CUX1: variants seen among roughly 807,000 people sequenced by gnomAD.
The protein encoded by CUX1 is cut like homeobox 1.
In CUX1, 31 loss-of-function variants were observed where a neutral mutation model predicts 158.8. The observed-to-expected ratio is 0.20, with a 90% CI of 0.15 to 0.26. The LOEUF is 0.26. Ranked by LOEUF, CUX1 falls within the 10% of genes least tolerant of loss-of-function variation. The probability of loss-of-function intolerance (pLI) is 1.00; values close to 1 mark genes in which losing one functional copy is unlikely to be tolerated. For synonymous variants in CUX1, 879 were observed against 862.1 expected (o/e 1.02, Z -0.34); for missense variants, 1,589 against 2,014.6 (o/e 0.79, Z 4.04).
In CUX1 at chr7:101,849,912, A is replaced by ATT. The variant is rs71106570; in HGVS notation, c.30+32268_30+32269dup. On this transcript the variant is annotated intron_variant, in intron 1 of 23. Coordinates refer to ENST00000292535, the MANE Select transcript of CUX1 (RefSeq NM_181552.4). ...AGACAGTATCTCATTGTCTCATGCA[A>ATT]TTTTTTTTTTTTTTTTTTTTTTTTT... 0.021 allele frequency among the ~76,000 whole-genome samples: 2,555 copies of ATT among 124,184 alleles called. 383 individuals carry two copies. The East Asian group carries it at 0.32, about 16-fold the overall frequency. 81.5% of individuals were successfully genotyped at this position (124,184 alleles called of 152,430 possible).
intron 6 of CUX1, among the ~76,000 whole-genome samples, chr7:102,105,493 A>AC (rs1830242603): frequency 1.4e-5 from 2 of 147,080 alleles, no homozygotes; most frequent in African/African-American, 5.0e-5. Context: ...ACGGATCCCA[A>AC]CCATATAGAT....
In CUX1 at chr7:102,156,902, A is replaced by C. The variant is rs540813722; in HGVS notation, c.675-1658A>C. The stretch of plus-strand genomic sequence containing the variant: ...TTCAGAGAGAGCTCACAGCGTGGGC[A>C]CCCAGTGAAAACTCAAACCTGGAAA... On this transcript the variant is annotated intron_variant, in intron 8 of 23. Transcript: ENST00000292535. 2.6e-5 allele frequency among the ~76,000 whole-genome samples: 4 copies of C among 152,322 alleles called. No individual in the cohort carries two copies. In the South Asian group the frequency reaches 8.3e-4, roughly 32 times the overall value.
At chr7:102,156,017 A>G (rs1230909305) in intron 8 of CUX1, among the ~76,000 whole-genome samples, 2 of 152,188 alleles carry the variant, frequency 1.3e-5, no homozygotes, top group African/African-American at 4.8e-5. Flanking sequence ...TGAAAGCCGG[A>G]TATTATTTCA....
In CUX1 at chr7:101,863,697, A is replaced by T. The variant is rs151227260; in HGVS notation, c.30+46028A>T. On this transcript the variant is annotated intron_variant, in intron 1 of 23. Coordinates refer to ENST00000292535, the MANE Select transcript of CUX1 (RefSeq NM_181552.4). ...AACTGAAACTCTGCACCCATTAAAC[A>T]ATAACACTCCATTTCTTCCCCACCA... Among the ~76,000 whole-genome samples the T allele has an allele frequency of 1.2e-3, 184 of 152,254 alleles. 3 individuals carry two copies. In the East Asian group the frequency reaches 0.029, roughly 24 times the overall value.
Position 102,097,480 on chromosome 7 carries a change from T to C in CUX1, c.385T>C (p.Phe129Leu), listed in dbSNP as rs1202856478. 1 of 1,601,130 alleles carries C rather than the reference T, an allele frequency of 6.2e-7. No homozygotes were observed. Among genetic ancestry groups the C allele is most frequent in the African/African-American group, 1.4e-5 (1 of 74,014 alleles). Residue 129 changes from phenylalanine to leucine, a missense_variant, in exon 5 of 24, where the codon TTT becomes CTT. Around this residue, in one of 8 missense-constraint regions of CUX1, gnomAD observed 515 missense variants for 574.4 expected, o/e 0.90. Transcript: ENST00000292535. ...AACTCTGGAAGAATACAACAAGGAA[T>C]TTGCTGAAGTGAAAAATCAAGGTTG... ...RETLEEYNKE[F>L]AEVKNQEVTI...
At chr7:102,263,547 C>A (rs1269618781) in intron 14 of CUX1, among the ~76,000 whole-genome samples, 1 of 151,948 alleles carries the variant, frequency 6.6e-6, no homozygotes, top group Admixed American at 6.6e-5. Flanking sequence ...AACTCCTGAC[C>A]TCAGGTGATC....
chr7:102,139,620 C>G (rs782268866), intron 8 of CUX1, among the ~76,000 whole-genome samples: 12 of 152,138 alleles, frequency 7.9e-5, no homozygotes, highest in Non-Finnish European at 1.3e-4. Flanking sequence ...ATAGCAAGAA[C>G]TCATCTCTAC....
intron 2 of CUX1, among the ~76,000 whole-genome samples, chr7:101,931,994 A>G (rs770812555): frequency 7.2e-5 from 11 of 152,160 alleles, no homozygotes; most frequent in Non-Finnish European, 1.5e-4. Flanking sequence ...CATTCTCTAT[A>G]TTTTACTTGA....
Position 101,911,884 on chromosome 7 carries a change from C to T in CUX1, c.31-4231C>T, listed in dbSNP as rs1803526563. Among the ~76,000 whole-genome samples the T allele has an allele frequency of 2.0e-5, 3 of 152,346 alleles. No homozygotes were observed. The South Asian group carries it at 6.2e-4, about 32-fold the overall frequency. ...TGACCCATGTGGGTCCTCATTGCCT[C>T]CTGACATCAGTCATCCTGTGATCTC... is the stretch of plus-strand genomic sequence containing the variant. On this transcript the variant is annotated intron_variant, in intron 1 of 23. Coordinates refer to ENST00000292535, the MANE Select transcript of CUX1 (RefSeq NM_181552.4).
At chr7:101,845,195 A>G (rs776728711) in intron 1 of CUX1, among the ~76,000 whole-genome samples, 1 of 151,700 alleles carries the variant, frequency 6.6e-6, no homozygotes, top group Non-Finnish European at 1.5e-5. Context: ...TATGTTGCCC[A>G]CTCTGGTCTC....
rs71106570 is a variant in CUX1, at chr7:101,849,912, A to ATTT, written c.30+32267_30+32269dup. Among the ~76,000 whole-genome samples the ATTT allele has an allele frequency of 7.2e-4, 90 of 124,294 alleles. 6 individuals are homozygous for ATTT. In the East Asian group the frequency reaches 9.1e-3, roughly 13 times the overall value. 81.5% of individuals were successfully genotyped at this position (124,294 alleles called of 152,430 possible). The stretch of plus-strand genomic sequence containing the variant: ...AGACAGTATCTCATTGTCTCATGCA[A>ATTT]TTTTTTTTTTTTTTTTTTTTTTTTT... On this transcript the variant is annotated intron_variant, in intron 1 of 23. Coordinates refer to ENST00000292535, the MANE Select transcript of CUX1 (RefSeq NM_181552.4).
At chr7:101,926,635 C>T (rs773272443) in intron 2 of CUX1, among the ~76,000 whole-genome samples, 18 of 152,180 alleles carry the variant, frequency 1.2e-4, no homozygotes, top group Non-Finnish European at 2.4e-4. Context: ...ACCCTGCCTA[C>T]TTCAAGGGGT....
intron 2 of CUX1, among the ~76,000 whole-genome samples, chr7:101,979,182 C>G (rs529026183): frequency 5.3e-5 from 8 of 152,160 alleles, no homozygotes; most frequent in Admixed American, 1.3e-4. Context: ...GAGGTGAGTA[C>G]CAGGAGATGG....
At chr7:101,838,992 C>A (rs902175217) in intron 1 of CUX1, among the ~76,000 whole-genome samples, 2 of 152,208 alleles carry the variant, frequency 1.3e-5, no homozygotes, top group Non-Finnish European at 1.5e-5. Context: ...CTTTTCCTGG[C>A]TTGCAGATGG....
At chr7:101,873,061 C>T (rs538747146) in intron 1 of CUX1, among the ~76,000 whole-genome samples, 8 of 151,530 alleles carry the variant, frequency 5.3e-5, no homozygotes, top group African/African-American at 1.7e-4. Context: ...TTAGTAGAGA[C>T]GGGGTTTCAC....
chr7:101,870,153 G>GT lies in CUX1; in HGVS notation c.31-45945dup, dbSNP rs1223133668. Reference sequence around the variant, plus strand: ...GGCCCTGATGTTTAGTGTTTTTTTTGTTTTTTTTTTTTTTTTTAAAGACAG... The same window carrying GT: ...GGCCCTGATGTTTAGTGTTTTTTTTGTTTTTTTTTTTTTTTTTTAAAGACAG... On this transcript the variant is annotated intron_variant, in intron 1 of 23. Coordinates refer to ENST00000292535, the MANE Select transcript of CUX1 (RefSeq NM_181552.4). Among the ~76,000 whole-genome samples, 66 of 104,070 alleles carry GT rather than the reference G, an allele frequency of 6.3e-4. No individual in the cohort carries two copies. In the East Asian group the frequency reaches 8.5e-3, roughly 13 times the overall value. The allele number at this position is 104,070 out of a possible 152,430, so 68.3% of individuals were successfully genotyped here.
intron 9 of CUX1, among the ~76,000 whole-genome samples, chr7:102,168,060 A>G (rs1791248113): frequency 1.3e-5 from 2 of 151,968 alleles, no homozygotes; most frequent in African/African-American, 4.8e-5. Context: ...CCTGGGTGAC[A>G]GAATGAGATT....
In CUX1 at chr7:102,249,453, G is replaced by A. The variant is rs1291747632; in HGVS notation, c.*411G>A. On this transcript the variant is annotated 3_prime_UTR_variant, in exon 24 of 24. Transcript: ENST00000292535. Reference sequence around the variant, plus strand: ...TGTTTTCAAGGAAGAAAACGGAAATGTGTGGTCGAGCTTTTTTGTACCCTG... The same window carrying A: ...TGTTTTCAAGGAAGAAAACGGAAATATGTGGTCGAGCTTTTTTGTACCCTG... 5.1e-6 allele frequency: 5 copies of A among 986,138 alleles called. No individual in the cohort carries two copies. The African/African-American group carries it at 7.0e-5, about 14-fold the overall frequency. 61.1% of individuals were successfully genotyped at this position (986,138 alleles called of 1,614,324 possible).
chr7:102,128,461 G>C (rs1440354886), intron 8 of CUX1, among the ~76,000 whole-genome samples: 1 of 150,768 alleles, frequency 6.6e-6, no homozygotes, highest in East Asian at 1.9e-4. Context: ...TTCTTGCCCA[G>C]TTCTACTTCC....
Sources: gnomAD v4.1 joint callset for allele counts (sites outside exome capture counted in the v4.1 genomes callset) on GRCh38, gnomAD v4.1.1 for gene constraint, gnomAD v4.1.1 regional missense constraint, MANE v1.5 for transcripts, NCBI Gene and HGNC (gene_info 2026-07-23, HGNC 2026-07-21) for gene names.